EXOC4: variants seen among roughly 807,000 people sequenced by gnomAD.
EXOC4 encodes the protein SEC8-like 1.
A neutral mutation model predicts 107.2 loss-of-function variants in EXOC4; 71 were observed. The ratio of observed to expected loss-of-function variants is 0.66; its 90% CI spans 0.55 to 0.81. EXOC4 has a LOEUF of 0.81. Among genes scored for constraint, EXOC4 ranks in the 30% least tolerant of loss-of-function variants. The pLI is 0.00. For synonymous variants in EXOC4, 456 were observed against 441.2 expected (o/e 1.03, Z -0.42); for missense variants, 1,108 against 1,189.6 (o/e 0.93, Z 1.01).
chr7:133,523,214 T>C (rs969215573), intron 9 of EXOC4, among the ~76,000 whole-genome samples: 2 of 152,180 alleles, frequency 1.3e-5, no homozygotes, highest in Non-Finnish European at 2.9e-5. Context: ...TATCATAGAA[T>C]AAATGGAAGA....
intron 11 of EXOC4, among the ~76,000 whole-genome samples, chr7:133,819,769 T>C (rs1363202566): frequency 2.0e-5 from 3 of 152,196 alleles, no homozygotes; most frequent in African/African-American, 7.2e-5. Flanking sequence ...AAGGCATCAG[T>C]ACATTACAGA....
At chr7:133,355,413 CT>C (rs1563032558) in intron 5 of EXOC4, among the ~76,000 whole-genome samples, 1 of 152,002 alleles carries the variant, frequency 6.6e-6, no homozygotes, top group African/African-American at 2.4e-5. Context: ...TTGTAACGTC[CT>C]GTTTTTTTTG....
intron 11 of EXOC4, among the ~76,000 whole-genome samples, chr7:133,877,651 T>C (rs1209114841): frequency 6.6e-6 from 1 of 152,170 alleles, no homozygotes; most frequent in African/African-American, 2.4e-5. Context: ...GCCTGCTCCA[T>C]TGAGGTAGTC....
intron 10 of EXOC4, among the ~76,000 whole-genome samples, chr7:133,664,528 A>T (rs1014442): frequency 0.43 from 65,107 of 151,884 alleles, 14,868 homozygotes; most frequent in Admixed American, 0.57. Context: ...CCAGATCTTT[A>T]TGTCTGTGAA....
chr7:133,338,319 C>T (rs565686597), intron 5 of EXOC4, among the ~76,000 whole-genome samples: 11 of 151,676 alleles, frequency 7.3e-5, no homozygotes, highest in Admixed American at 2.6e-4. Flanking sequence ...TTCAGCCGGG[C>T]GCGGTGGCTC....
intron 12 of EXOC4, among the ~76,000 whole-genome samples, chr7:133,904,761 C>T (rs1762758689): frequency 6.6e-6 from 1 of 152,178 alleles, no homozygotes; most frequent in Admixed American, 6.5e-5. Flanking sequence ...CACTCAAAGG[C>T]ACAACACATG....
At chr7:134,018,573 A>C (rs2116408452) in intron 17 of EXOC4, among the ~76,000 whole-genome samples, 1 of 152,302 alleles carries the variant, frequency 6.6e-6, no homozygotes, top group East Asian at 1.9e-4. Context: ...TGTTCTCTGA[A>C]ACCTTCTCCA....
intron 10 of EXOC4, among the ~76,000 whole-genome samples, chr7:133,677,248 T>C (rs1794083837): frequency 6.6e-6 from 1 of 152,154 alleles, no homozygotes; most frequent in African/African-American, 2.4e-5. Flanking sequence ...TTGTTGTTTC[T>C]AGGAACAAAT....
chr7:133,392,789 T>G (rs1226900187), intron 7 of EXOC4, among the ~76,000 whole-genome samples: 1 of 152,208 alleles, frequency 6.6e-6, no homozygotes, highest in African/African-American at 2.4e-5. Flanking sequence ...AAATGCAAAT[T>G]TAATTTCAGG....
chr7:134,060,995 A>G (rs1796044859), intron 17 of EXOC4, among the ~76,000 whole-genome samples: 1 of 152,198 alleles, frequency 6.6e-6, no homozygotes, highest in Admixed American at 6.5e-5. Context: ...TCAGACTGTC[A>G]TTCCGGGATT....
intron 10 of EXOC4, among the ~76,000 whole-genome samples, chr7:133,690,973 G>C (rs1794406612): frequency 6.6e-6 from 1 of 152,148 alleles, no homozygotes; most frequent in Non-Finnish European, 1.5e-5. Flanking sequence ...TGGTCCGGAA[G>C]TACGGAGCAC....
intron 15 of EXOC4, among the ~76,000 whole-genome samples, chr7:134,000,518 C>T (rs1185312121): frequency 1.3e-5 from 2 of 152,050 alleles, no homozygotes; most frequent in East Asian, 3.9e-4. Context: ...AAACCAAACC[C>T]AGATAAAGTA....
intron 14 of EXOC4, among the ~76,000 whole-genome samples, chr7:133,989,515 TA>T (rs1794197479): frequency 7.1e-6 from 1 of 141,832 alleles, no homozygotes; most frequent in Non-Finnish European, 1.5e-5. Context: ...TGAAGGAAAC[TA>T]TGGAAGAAAT....
intron 7 of EXOC4, among the ~76,000 whole-genome samples, chr7:133,457,784 T>G (rs1798497161): frequency 6.6e-6 from 1 of 152,202 alleles, no homozygotes; most frequent in Non-Finnish European, 1.5e-5. Context: ...AACCATTATA[T>G]TGTATTACTT....
intron 3 of EXOC4, among the ~76,000 whole-genome samples, chr7:133,292,042 G>A (rs1794418287): frequency 6.6e-6 from 1 of 152,048 alleles, no homozygotes; most frequent in Admixed American, 6.6e-5. Flanking sequence ...CTCTCATCTT[G>A]CTATTCAAAA....
intron 3 of EXOC4, among the ~76,000 whole-genome samples, chr7:133,303,061 G>A (rs1794675998): frequency 6.6e-6 from 1 of 152,198 alleles, no homozygotes; most frequent in Non-Finnish European, 1.5e-5. Flanking sequence ...GTCAGCGGTA[G>A]TCTGTTGGGT....
intron 7 of EXOC4, among the ~76,000 whole-genome samples, chr7:133,394,309 T>C (rs1171635289): frequency 5.3e-5 from 8 of 152,370 alleles, no homozygotes; most frequent in Non-Finnish European, 1.2e-4. Flanking sequence ...CATTTTAATT[T>C]TCTTACTCGT....
At chr7:133,909,743 C>T (rs1310375333) in intron 12 of EXOC4, among the ~76,000 whole-genome samples, 2 of 152,084 alleles carry the variant, frequency 1.3e-5, no homozygotes, top group Non-Finnish European at 2.9e-5. Context: ...GATAAAGGAT[C>T]TTGAGGCTAG....
intron 17 of EXOC4, among the ~76,000 whole-genome samples, chr7:134,027,719 A>T (rs1389119812): frequency 6.6e-6 from 1 of 151,050 alleles, no homozygotes; most frequent in African/African-American, 2.4e-5. Flanking sequence ...TTAGTGAAGG[A>T]GAAAGAAGCA....
Sources: gnomAD v4.1 joint callset for allele counts (sites outside exome capture counted in the v4.1 genomes callset) on GRCh38, gnomAD v4.1.1 for gene constraint, MANE v1.5 for transcripts, NCBI Gene and HGNC (gene_info 2026-07-23, HGNC 2026-07-21) for gene names.